The following TTLL5 variants were observed in gnomAD, a reference collection of about 807,000 sequenced individuals.
TTLL5 encodes tubulin tyrosine ligase like 5.
TTLL5 carries 132 observed loss-of-function variants against 168.4 expected under a neutral mutation model. The observed-to-expected ratio is 0.78, with a 90% confidence interval of 0.68 to 0.91. The LOEUF is 0.91. TTLL5 is among the 40% of genes least tolerant of loss of function. TTLL5 has a pLI of 0.00. For synonymous variants in TTLL5, 546 were observed against 558.6 expected (o/e 0.98, Z 0.32); for missense variants, 1,545 against 1,581.5 (o/e 0.98, Z 0.39).
chr14:75,752,461 G>C (rs2140273988), intron 17 of TTLL5, among the ~76,000 whole-genome samples: 1 of 152,338 alleles, frequency 6.6e-6, no homozygotes, highest in South Asian at 2.1e-4. Flanking sequence ...GCCACTGAAA[G>C]CTCTTAATTT....
At chr14:75,954,252 CAAAAAAA>C (rs56396876) in intron 31 of TTLL5, among the ~76,000 whole-genome samples, 165 bp from the exon 32 acceptor site, 3 of 74,518 alleles carry the variant, frequency 4.0e-5, no homozygotes, top group African/African-American at 1.6e-4. Flanking sequence ...GACTCCATCT[CAAAAAAA>C]AAAAAAAAAA....
intron 28 of TTLL5, among the ~76,000 whole-genome samples, chr14:75,854,029 C>T (rs1897008106): frequency 6.6e-6 from 1 of 150,976 alleles, no homozygotes; most frequent in Admixed American, 6.6e-5. Context: ...GGTGGCAGAG[C>T]AAGACTCCGT....
intron 27 of TTLL5, chr14:75,803,213 C>G (rs189213004): frequency 6.6e-6 from 1 of 152,292 alleles, no homozygotes; most frequent in East Asian, 1.9e-4. Context: ...TTCCTCCATG[C>G]TCGCTGGTGA....
intron 12 of TTLL5, among the ~76,000 whole-genome samples, chr14:75,726,571 G>A (rs1291787432): frequency 2.6e-5 from 4 of 152,138 alleles, no homozygotes; most frequent in South Asian, 2.1e-4. Context: ...AAGTGACTCA[G>A]GTGCTCTAGG....
rs574762922 is a variant in TTLL5 at position 75,798,724 on chromosome 14, A to G, written c.3171+5624A>G. On this transcript the variant is annotated intron_variant, in intron 27 of 31. Coordinates refer to ENST00000298832, the MANE Select transcript of TTLL5 (RefSeq NM_015072.5). Reference sequence around the variant, plus strand: ...CCATATTGATTTCATTGTTGACCCAATGACCATTCAGGAGCAGACTATTTA... The same window carrying G: ...CCATATTGATTTCATTGTTGACCCAGTGACCATTCAGGAGCAGACTATTTA... Among the ~76,000 whole-genome samples the G allele has an allele frequency of 1.6e-3, 245 of 152,248 alleles. 1 individual carries two copies. Among genetic ancestry groups the G allele is most frequent in the Non-Finnish European group, 2.2e-3 (151 of 67,968 alleles).
intron 23 of TTLL5, among the ~76,000 whole-genome samples, chr14:75,778,800 C>G (rs1335218467): frequency 1.3e-5 from 2 of 152,150 alleles, no homozygotes; most frequent in African/African-American, 4.8e-5. Context: ...CATCTGTTTC[C>G]TTATACTTTC....
intron 28 of TTLL5, among the ~76,000 whole-genome samples, chr14:75,853,749 A>G (rs1006098912): frequency 2.6e-5 from 4 of 152,226 alleles, no homozygotes; most frequent in Non-Finnish European, 5.9e-5. Flanking sequence ...TAAACTAAAA[A>G]ATCATCTATT....
At chr14:75,928,218 A>T (rs1310288304) in intron 31 of TTLL5, among the ~76,000 whole-genome samples, 4 of 151,696 alleles carry the variant, frequency 2.6e-5, no homozygotes, top group Non-Finnish European at 5.9e-5. Context: ...GCAGCATTTC[A>T]TTGCTTAGCA....
chr14:75,904,202 C>CA (rs562877528), intron 31 of TTLL5: 90,404 of 891,212 alleles, frequency 0.1, 9 homozygotes, highest in Non-Finnish European at 0.11. Context: ...CTCACTCCTC[C>CA]AAAAAAAAAA....
chr14:75,676,897 C>T (rs145407584), intron 3 of TTLL5, among the ~76,000 whole-genome samples: 1 of 152,054 alleles, frequency 6.6e-6, no homozygotes, highest in African/African-American at 2.4e-5. Flanking sequence ...CCTCAGCCTC[C>T]TGAGTAGCTT....
At chr14:75,768,478 C>T (rs1415961857) in intron 20 of TTLL5, among the ~76,000 whole-genome samples, 2 of 151,532 alleles carry the variant, frequency 1.3e-5, no homozygotes, top group Non-Finnish European at 2.9e-5. Flanking sequence ...AGACAGCCAG[C>T]TAAAAGAAAC....
At position 75,690,338 on chromosome 14, in the gene TTLL5, A is replaced by G; in HGVS notation, c.502+16A>G. On this transcript the variant is annotated intron_variant, in intron 6 of 31. Transcript: ENST00000298832. The stretch of plus-strand genomic sequence containing the variant: ...GAATTTTGTAGTAAGTGCTTGACAG[A>G]GAATGCCCCAGTCCCCAGCAACTGA... 4 of 1,590,756 alleles carry G rather than the reference A, an allele frequency of 2.5e-6. No individual in the cohort carries two copies. The highest frequency in any genetic ancestry group is 3.4e-6 in the Non-Finnish European group (4 of 1,170,672).
intron 29 of TTLL5, among the ~76,000 whole-genome samples, chr14:75,882,151 A>T (rs547850835): frequency 6.6e-6 from 1 of 152,182 alleles, no homozygotes; most frequent in Admixed American, 6.5e-5. Flanking sequence ...GGCCTGGCTC[A>T]TGGTTCCTGT....
intron 13 of TTLL5, 121 bp from the exon 14 acceptor site, chr14:75,733,868 G>C: frequency 2.2e-6 from 2 of 896,786 alleles, no homozygotes; most frequent in Admixed American, 4.3e-5. Context: ...GATTTTATGG[G>C]CTTTATGTGT....
chr14:75,909,514 A>G (rs12323660), intron 31 of TTLL5, among the ~76,000 whole-genome samples: 125,593 of 151,646 alleles, frequency 0.83, 52,116 homozygotes, highest in Admixed American at 0.88. Context: ...CTTAGTGTGC[A>G]GTGACCCCCT....
At chr14:75,693,875 G>A (rs1885635508) in intron 6 of TTLL5, among the ~76,000 whole-genome samples, 1 of 152,214 alleles carries the variant, frequency 6.6e-6, no homozygotes, top group Non-Finnish European at 1.5e-5. Context: ...GGGTAAATTT[G>A]TAGAATTACG....
chr14:75,900,268 C>G (rs1022651518), intron 30 of TTLL5, among the ~76,000 whole-genome samples: 4 of 152,152 alleles, frequency 2.6e-5, no homozygotes, highest in African/African-American at 9.7e-5. Flanking sequence ...TCTGTGGCTC[C>G]CTTGTCCTCA....
rs1033895878 is a variant in TTLL5 at position 75,874,852 on chromosome 14, A to G, written c.3523-7833A>G. On this transcript the variant is annotated intron_variant, in intron 29 of 31. Transcript: ENST00000298832. ...TGTGTGTGTGCGTGCACATGTACAT[A>G]TGGTATTTCAAAATGGAACTATAAG... 3.4e-5 allele frequency among the ~76,000 whole-genome samples: 5 copies of G among 147,386 alleles called. No individual in the cohort carries two copies. The East Asian group carries it at 1.1e-3, about 33-fold the overall frequency.
intron 29 of TTLL5, among the ~76,000 whole-genome samples, chr14:75,867,096 G>T (rs1025081496): frequency 6.6e-6 from 1 of 152,204 alleles, no homozygotes; most frequent in African/African-American, 2.4e-5. Flanking sequence ...AATATTTTAG[G>T]CTTTGCAGGC....
Sources: gnomAD v4.1 joint callset for allele counts (sites outside exome capture counted in the v4.1 genomes callset) on GRCh38, gnomAD v4.1.1 for gene constraint, MANE v1.5 for transcripts, NCBI Gene and HGNC (gene_info 2026-07-23, HGNC 2026-07-21) for gene names.